LPAR5: variants seen among roughly 807,000 people sequenced by gnomAD.
The protein encoded by LPAR5 is lysophosphatidic acid receptor 5.
For missense variants in LPAR5, 544 were observed against 521.8 expected (o/e 1.04, Z -0.41); for synonymous variants, 271 against 261.6 (o/e 1.04, Z -0.35).
At chr12:6,634,619 C>T (rs1004293467) in intron 1 of LPAR5, among the ~76,000 whole-genome samples, 6 of 122,880 alleles carry the variant, frequency 4.9e-5, no homozygotes, top group East Asian at 2.5e-4. Flanking sequence ...GACGACAGAG[C>T]GAGACCCCAT....
chr12:6,620,562 C>T lies in LPAR5; in HGVS notation c.687G>A (p.Arg229=). ...CCAGCAGGAGGCGCACGGTCTTCCG[C>T]CGCCGCTGGCTCTGCGTGGCGTCGG... ...ARPDATQSQR[R]RKTVRLLLAN... Residue 229 remains arginine (R), a synonymous_variant, in exon 2 of 2, where the codon CGG becomes CGA. Coordinates refer to ENST00000329858, the MANE Select transcript of LPAR5 (RefSeq NM_020400.6). The surrounding 1 kb of genome is among the most constrained non-coding windows in gnomAD (Gnocchi z 6.8). The T allele has an allele frequency of 6.4e-7, 1 of 1,555,482 alleles. No individual in the cohort carries two copies. Among genetic ancestry groups the T allele is most frequent in the Non-Finnish European group, 8.7e-7 (1 of 1,150,032 alleles).
intron 1 of LPAR5, among the ~76,000 whole-genome samples, chr12:6,623,891 C>T (rs1344731784): frequency 6.6e-6 from 1 of 151,840 alleles, no homozygotes; most frequent in Non-Finnish European, 1.5e-5. Flanking sequence ...ACCCGGGAGG[C>T]GGAGGTTGCA....
Position 6,620,324 on chromosome 12 carries a change from G to C in LPAR5, c.925C>G (p.Arg309Gly). 3 of 1,608,862 alleles carry C rather than the reference G, an allele frequency of 1.9e-6. No individual in the cohort carries two copies. Among genetic ancestry groups the C allele is most frequent in the Non-Finnish European group, 2.5e-6 (3 of 1,177,820 alleles). The change falls in exon 2 of 2, where the codon CGC becomes GGC. Residue 309 changes from arginine to glycine, a missense_variant. Arg to Gly is a moderately radical substitution (Grantham distance 125). Coordinates refer to ENST00000329858, the MANE Select transcript of LPAR5 (RefSeq NM_020400.6). The surrounding 1 kb of genome is among the most constrained non-coding windows in gnomAD (Gnocchi z 6.8). ...FSAEGFRNTL[R>G]GLGTPHRART... ...GCCCGGTGCGGAGTGCCCAGGCCGC[G>C]CAGGGTGTTGCGGAAGCCCTCGGCG...
At chr12:6,628,015 C>CTTTT (rs1555076532) in intron 1 of LPAR5, among the ~76,000 whole-genome samples, 3 of 82,638 alleles carry the variant, frequency 3.6e-5, no homozygotes, top group Non-Finnish European at 8.4e-5. Flanking sequence ...TCATTCTTTT[C>CTTTT]TTTTTCTTTT....
intron 1 of LPAR5, among the ~76,000 whole-genome samples, chr12:6,634,871 T>C (rs1036844727): frequency 2.0e-5 from 3 of 150,538 alleles, no homozygotes; most frequent in African/African-American, 7.3e-5. Context: ...AGGTGGATCA[T>C]GAGGTCAGGA....
chr12:6,619,506 G>A lies in LPAR5; in HGVS notation c.*624C>T, dbSNP rs1292328708. ...GGTTTGGACTTGGATGTTGTTGAGG[G>A]GGAAACTCTAAGTTAGTTTTGCCTT... On this transcript the variant is annotated 3_prime_UTR_variant, in exon 2 of 2. Transcript: ENST00000329858. The A allele has an allele frequency of 1.2e-5, 2 of 161,996 alleles. No individual in the cohort carries two copies. The highest frequency in any genetic ancestry group is 4.8e-5 in the African/African-American group (2 of 41,654). The allele number at this position is 161,996 out of a possible 1,614,324, so 10.0% of individuals were successfully genotyped here. A position where few individuals can be genotyped will look rare whatever the true frequency, so the allele number is the denominator to read the frequency against.
In LPAR5 at chr12:6,620,689, C is replaced by G. The variant is rs1292618251; in HGVS notation, c.560G>C (p.Arg187Thr). 2 of 1,571,658 alleles carry G rather than the reference C, an allele frequency of 1.3e-6. No individual in the cohort carries two copies. The highest frequency in any genetic ancestry group is 1.7e-6 in the Non-Finnish European group (2 of 1,158,388). The change falls in exon 2 of 2, where the codon AGG becomes ACG. Residue 187 changes from arginine (R) to threonine (T), a missense_variant. Physicochemically the swap from Arg to Thr is moderately conservative, Grantham distance 71. Transcript: ENST00000329858. The surrounding 1 kb of genome is among the most constrained non-coding windows in gnomAD (Gnocchi z 6.8). Reference protein sequence around the residue: ...ESFSDELWKGRLLPLVLLAEA... With the variant: ...ESFSDELWKGTLLPLVLLAEA... ...GGCCAGCAGCACGAGGGGCAGCAGC[C>G]TGCCTTTCCACAGCTCGTCGCTGAA...
In LPAR5 at chr12:6,619,787, G is replaced by A. The variant is rs1349709836; in HGVS notation, c.*343C>T. 1 of 426,242 alleles carries A rather than the reference G, an allele frequency of 2.3e-6. No individual in the cohort carries two copies. The highest frequency in any genetic ancestry group is 5.5e-5 in the East Asian group (1 of 18,092). 26.4% of individuals were successfully genotyped at this position (426,242 alleles called of 1,614,324 possible). A position where few individuals can be genotyped will look rare whatever the true frequency, so the allele number is the denominator to read the frequency against. ...CCCTGTGGCGGTTTAGATCCAGAAT[G>A]CCCATTTTCTGTTCCATCTAACCAG... is the stretch of plus-strand genomic sequence containing the variant. On this transcript the variant is annotated 3_prime_UTR_variant, in exon 2 of 2. Transcript: ENST00000329858.
Position 6,621,287 on chromosome 12 carries a change from AT to A in LPAR5, c.-40del. On this transcript the variant is annotated 5_prime_UTR_variant, in exon 2 of 2. An upstream start codon of the reference 5' UTR is lost. Transcript: ENST00000329858. Reference sequence around the variant, plus strand: ...GATTGGGAGCTAGGCTGGGGATGCCATGGAGCACACCAGAATCATGGCATGG... The same window carrying A: ...GATTGGGAGCTAGGCTGGGGATGCCAGGAGCACACCAGAATCATGGCATGG... 6.8e-7 allele frequency: 1 copy of A among 1,472,406 alleles called. No individual in the cohort carries two copies. The highest frequency in any genetic ancestry group is 1.4e-5 in the African/African-American group (1 of 70,312). The allele number at this position is 1,472,406 out of a possible 1,614,324, so 91.2% of individuals were successfully genotyped here. A position where few individuals can be genotyped will look rare whatever the true frequency, so the allele number is the denominator to read the frequency against.
At chr12:6,623,161 C>G (rs1374046642) in intron 1 of LPAR5, among the ~76,000 whole-genome samples, 1 of 151,938 alleles carries the variant, frequency 6.6e-6, no homozygotes, top group Non-Finnish European at 1.5e-5. Context: ...TCACTTGAAC[C>G]CAGGAGGCGG....
At position 6,619,294 on chromosome 12, in the gene LPAR5, G is replaced by A. The variant is rs1381128942; in HGVS notation, c.*836C>T. ...AAGTTTGAGAACCAGTGCTTTAGTA[G>A]AAAGAATTTTATCCTTACTCTGGAC... On this transcript the variant is annotated 3_prime_UTR_variant, in exon 2 of 2. Coordinates refer to ENST00000329858, the MANE Select transcript of LPAR5 (RefSeq NM_020400.6). The A allele has an allele frequency of 6.6e-6, 1 of 152,002 alleles. No homozygotes were observed. Among genetic ancestry groups the A allele is most frequent in the African/African-American group, 2.4e-5 (1 of 41,362 alleles). 9.4% of individuals were successfully genotyped at this position (152,002 alleles called of 1,614,324 possible). A position where few individuals can be genotyped will look rare whatever the true frequency, so the allele number is the denominator to read the frequency against.
At chr12:6,633,991 G>C (rs1426866298) in intron 1 of LPAR5, among the ~76,000 whole-genome samples, 4 of 152,046 alleles carry the variant, frequency 2.6e-5, no homozygotes, top group Non-Finnish European at 5.9e-5. Flanking sequence ...GCAGCATAGT[G>C]GGACCCCATC....
At position 6,621,073 on chromosome 12, in the gene LPAR5, A is replaced by T. The variant is rs1330841966; in HGVS notation, c.176T>A (p.Val59Glu). Residue 59 changes from valine to glutamate, a missense_variant, in exon 2 of 2, where the codon GTG becomes GAG. By Grantham distance (121) the Val-to-Glu change is moderately radical (BLOSUM62 -2). Coordinates refer to ENST00000329858, the MANE Select transcript of LPAR5 (RefSeq NM_020400.6). ...RALRVHSVVS[V>E]YMCNLAASDL... ...GCTGGCCGCCAGGTTACACATGTAC[A>T]CGCTCACCACCGAGTGCACGCGCAG... is the stretch of plus-strand genomic sequence containing the variant. The T allele has an allele frequency of 3.1e-6, 5 of 1,604,496 alleles. No individual in the cohort carries two copies. Among genetic ancestry groups the T allele is most frequent in the African/African-American group, 2.7e-5 (2 of 74,712 alleles).
chr12:6,622,885 C>G (rs1948906500), intron 1 of LPAR5, among the ~76,000 whole-genome samples: 1 of 152,086 alleles, frequency 6.6e-6, no homozygotes. Flanking sequence ...TGCAGTGAGC[C>G]TCAAGCCCAC....
rs1230856137 is a variant in LPAR5, at chr12:6,619,048, TTCACTC to T, written c.*1076_*1081del. ...TGCTACACAGATGTTATTTGTCCCT[TTCACTC>T]TCATTCTCTCACAAGTATACTGTAG... On this transcript the variant is annotated 3_prime_UTR_variant, in exon 2 of 2. Coordinates refer to ENST00000329858, the MANE Select transcript of LPAR5 (RefSeq NM_020400.6). 5 of 152,220 alleles carry T rather than the reference TTCACTC, an allele frequency of 3.3e-5. No individual in the cohort carries two copies. The highest frequency in any genetic ancestry group is 9.6e-5 in the African/African-American group (4 of 41,456). 9.4% of individuals were successfully genotyped at this position (152,220 alleles called of 1,614,324 possible). A position where few individuals can be genotyped will look rare whatever the true frequency, so the allele number is the denominator to read the frequency against.
intron 1 of LPAR5, among the ~76,000 whole-genome samples, chr12:6,635,086 C>CAA (rs11438544): frequency 6.1e-4 from 73 of 118,784 alleles, no homozygotes; most frequent in Middle Eastern, 4.3e-3. Context: ...GACTCTGTCT[C>CAA]AAAAAAAAAA....
At chr12:6,623,436 A>G (rs1948910893) in intron 1 of LPAR5, among the ~76,000 whole-genome samples, 1 of 152,004 alleles carries the variant, frequency 6.6e-6, no homozygotes, top group South Asian at 2.1e-4. Context: ...CAGTAGGCTA[A>G]GGCATGAGAA....
At chr12:6,633,126 C>T (rs1351060766) in intron 1 of LPAR5, among the ~76,000 whole-genome samples, 1 of 152,190 alleles carries the variant, frequency 6.6e-6, no homozygotes, top group Non-Finnish European at 1.5e-5. Context: ...AACTAGTTTC[C>T]CTGATGTGCG....
intron 1 of LPAR5, among the ~76,000 whole-genome samples, chr12:6,630,939 G>A (rs562436616): frequency 1.3e-5 from 2 of 152,332 alleles, no homozygotes; most frequent in Admixed American, 6.5e-5. Flanking sequence ...GCCAGATGGC[G>A]AAGATGGAAA....
Sources: allele counts gnomAD v4.1 joint callset (sites outside exome capture counted in the v4.1 genomes callset), GRCh38; gene constraint gnomAD v4.1.1; non-coding constraint Gnocchi (gnomAD v3.1); transcripts MANE v1.5; gene names NCBI Gene and HGNC (gene_info 2026-07-23, HGNC 2026-07-21).